The following NBPF20 variants were observed in gnomAD, a reference collection of about 807,000 sequenced individuals.
The protein encoded by NBPF20 is NBPF family member NBPF20.
NBPF20 carries 90 observed loss-of-function variants against 68.1 expected under a neutral mutation model. The observed-to-expected ratio is 1.32, with a 90% CI of 1.11 to 1.58. The LOEUF (loss-of-function observed/expected upper bound fraction) is 1.58, where lower values mean the gene tolerates loss of function less well. Among genes scored for constraint, NBPF20 ranks in the 40% most tolerant of loss-of-function variants. The pLI is 0.00. For synonymous variants in NBPF20, 290 were observed against 228.1 expected (o/e 1.27, Z -2.45); for missense variants, 816 against 601.2 (o/e 1.36, Z -3.74).
intron 2 of NBPF20, 70 bp downstream of exon 7, chr1:145,405,024 GGAGA>G (rs1662705683): frequency 6.2e-7 from 1 of 1,603,758 alleles, no homozygotes; most frequent in Admixed American, 1.7e-5. Flanking sequence ...TATTTTTGAT[GGAGA>G]GAGCATTTAG....
At chr1:145,423,160 TGG>T in the NBPF20 span, among the ~76,000 whole-genome samples, 1 of 136,440 alleles carries the variant, frequency 7.3e-6, no homozygotes, top group Non-Finnish European at 1.6e-5. Flanking sequence ...AATCTCAGGC[TGG>T]GTGCAGTGGC....
At chr1:145,396,871 A>C (rs1331940531) in intron 7 of NBPF20, among the ~76,000 whole-genome samples, 2 of 131,152 alleles carry the variant, frequency 1.5e-5, no homozygotes, top group African/African-American at 5.8e-5. Context: ...TCACCCATTA[A>C]CTCATCATTT....
exon 8 of NBPF20, chr1:145,395,109 G>C: frequency 1.2e-6 from 2 of 1,601,788 alleles, no homozygotes; most frequent in South Asian, 2.2e-5. Flanking sequence ...GGACTCCTGG[G>C]GGACTTCCTC....
chr1:145,340,774 G>A, exon 76 of NBPF20: 1 of 140,498 alleles, frequency 7.1e-6, no homozygotes, highest in East Asian at 1.2e-4. Flanking sequence ...CACCATCCAT[G>A]TCAACAGCCA....
chr1:145,393,454 C>CAAAA (rs1308010892), intron 9 of NBPF20, among the ~76,000 whole-genome samples: 1 of 113,552 alleles, frequency 8.8e-6, no homozygotes, highest in Non-Finnish European at 1.9e-5. Context: ...CACACACACA[C>CAAAA]ACAAACACAC....
chr1:145,410,751 C>CGT, the NBPF20 span, among the ~76,000 whole-genome samples: 1 of 109,966 alleles, frequency 9.1e-6, no homozygotes, highest in African/African-American at 3.4e-5. Context: ...TATATATATA[C>CGT]ATATATATAT....
rs587773891 is a variant in NBPF20 at position 145,405,029 on chromosome 1, G to C, written c.175+69C>G. ...AGGATGAAATTATTTTTGATGGAGA[G>C]AGCATTTAGTGTCTCAGAAGACAGG... On this transcript the variant is annotated intron_variant, in intron 2 of 137. Coordinates refer to ENST00000369373, the Ensembl canonical transcript of NBPF20. 1.6e-5 allele frequency: 25 copies of C among 1,606,768 alleles called. No homozygotes were observed. In the South Asian group the frequency reaches 2.2e-4, roughly 14 times the overall value.
chr1:145,400,399 G>A, exon 6 of NBPF20: 1 of 1,612,846 alleles, frequency 6.2e-7, no homozygotes, highest in Middle Eastern at 2.0e-4. Context: ...CTGGAATAAT[G>A]TGTACAGCAT....
intron 83 of NBPF20, 76 bp from the exon 89 acceptor site, chr1:145,334,707 T>G (rs1661551064): frequency 2.6e-6 from 1 of 390,832 alleles, no homozygotes; most frequent in African/African-American, 2.7e-5. Context: ...ATTTCATGGC[T>G]AACATAAGGA....
exon 138 of NBPF20, chr1:145,290,642 C>A (rs1194458326): frequency 6.7e-6 from 1 of 149,950 alleles, no homozygotes; most frequent in Non-Finnish European, 1.5e-5. Context: ...TTTTTTGAAC[C>A]CAAAATATCT....
intron 137 of NBPF20, 145 bp from the exon 143 acceptor site, chr1:145,291,914 T>C (rs1367344797): frequency 3.9e-6 from 6 of 1,531,780 alleles, no homozygotes; most frequent in Non-Finnish European, 5.3e-6. Flanking sequence ...ATTTATTGCC[T>C]ATATGTTGGG....
chr1:145,394,289 A>C (rs1446603824), intron 8 of NBPF20, among the ~76,000 whole-genome samples: 1 of 151,578 alleles, frequency 6.6e-6, no homozygotes, highest in Non-Finnish European at 1.5e-5. Context: ...TCAAATACCC[A>C]GAATTTGATA....
intron 8 of NBPF20, among the ~76,000 whole-genome samples, chr1:145,394,758 C>T (rs1206797574): frequency 2.2e-4 from 33 of 152,028 alleles, no homozygotes; most frequent in African/African-American, 7.0e-4. Flanking sequence ...CAGGTTGGCA[C>T]GGGCATGGCC....
At chr1:145,405,724 G>A (rs1240604826), upstream of NBPF20, 5 of 493,922 alleles carry the variant, frequency 1.0e-5, no homozygotes, top group South Asian at 5.1e-5. Flanking sequence ...CTCAGTATTC[G>A]TGTACCCTTG....
chr1:145,411,709 C>T, the NBPF20 span, among the ~76,000 whole-genome samples: 1 of 81,998 alleles, frequency 1.2e-5, no homozygotes, highest in African/African-American at 5.7e-5. Context: ...TATTTATAAA[C>T]ACAACATGTA....
intron 7 of NBPF20, among the ~76,000 whole-genome samples, chr1:145,396,718 T>A (rs1662261398): frequency 6.9e-6 from 1 of 145,466 alleles, no homozygotes; most frequent in South Asian, 2.1e-4. Flanking sequence ...TTTTTTTCCA[T>A]ATGTATAGTT....
chr1:145,406,075 C>G (rs1426727752), upstream of NBPF20, among the ~76,000 whole-genome samples: 18 of 149,646 alleles, frequency 1.2e-4, no homozygotes, highest in East Asian at 3.1e-3. Flanking sequence ...CCCGCCACCA[C>G]GCCCGGCTAA....
the NBPF20 span, among the ~76,000 whole-genome samples, chr1:145,421,355 A>T: frequency 6.6e-6 from 1 of 152,028 alleles, no homozygotes; most frequent in Admixed American, 6.6e-5. Flanking sequence ...AAAGCCCCAA[A>T]ATCTTAGCAG....
chr1:145,341,632 TCTTCCCCTTCTTTTCTTCCC>T lies in NBPF20; in HGVS notation c.9007_9026del (p.Gly3003LysfsTer31). 11 of 23,080 alleles carry T rather than the reference TCTTCCCCTTCTTTTCTTCCC, an allele frequency of 4.8e-4. No individual in the cohort carries two copies. Among genetic ancestry groups the T allele is most frequent in the Non-Finnish European group, 9.0e-4 (10 of 11,168 alleles). The allele number at this position is 23,080 out of a possible 1,614,324, so 1.4% of individuals were successfully genotyped here. On this transcript the variant is annotated frameshift_variant, in exon 75 of 138. Transcript: ENST00000369373. LOFTEE classifies it high-confidence loss of function. ...CCCTTCTTCTTTCCTTCTTTGATCT[TCTTCCCCTTCTTTTCTTCCC>T]CTTCCCCTTCTTTTCAATTTCTGCA...
Sources: allele counts gnomAD v4.1 joint callset (sites outside exome capture counted in the v4.1 genomes callset), GRCh38; gene constraint gnomAD v4.1.1; transcripts MANE v1.5; gene names NCBI Gene and HGNC (gene_info 2026-07-23, HGNC 2026-07-21).